PTPRD: variants seen among roughly 807,000 people sequenced by gnomAD.
The protein encoded by PTPRD is receptor-type tyrosine-protein phosphatase delta.
Under a neutral mutation model 214.5 loss-of-function variants are expected in PTPRD, and 34 were observed. The ratio of observed to expected loss-of-function variants is 0.16; its 90% CI spans 0.12 to 0.21. The LOEUF (loss-of-function observed/expected upper bound fraction) is 0.21. Among genes scored for constraint, PTPRD ranks in the 10% least tolerant of loss-of-function variants. The pLI, the probability that PTPRD is intolerant of heterozygous loss-of-function variation, is 1.00. For synonymous variants in PTPRD, 1,128 were observed against 845.7 expected, an observed-to-expected ratio of 1.33 and a Z score of -5.79; for missense variants, 2,545 against 2,398.7, an observed-to-expected ratio of 1.06 and a Z score of -1.27.
chr9:8,756,360 T>C (rs1482675194), intron 11 of PTPRD, among the ~76,000 whole-genome samples: 1 of 152,230 alleles, frequency 6.6e-6, no homozygotes, highest in East Asian at 1.9e-4. Context: ...CAAAGATTTT[T>C]TTTAAATATT....
rs187589413 is a variant in PTPRD, at chr9:8,687,033, C to A, written c.64+46747G>T. 1.2e-4 allele frequency among the ~76,000 whole-genome samples: 18 copies of A among 152,250 alleles called. No individual in the cohort carries two copies. The East Asian group carries it at 3.1e-3, about 26-fold the overall frequency. ...TCACTCTCATGATTGAAAGAAAAAT[C>A]AATTAAAATTATCCTGGGAGACCTT... On this transcript the variant is annotated intron_variant, in intron 12 of 45. Transcript: ENST00000381196.
At chr9:9,081,577 C>G (rs2099759085) in intron 10 of PTPRD, among the ~76,000 whole-genome samples, 1 of 152,074 alleles carries the variant, frequency 6.6e-6, no homozygotes, top group Non-Finnish European at 1.5e-5. Flanking sequence ...GTTGATCTAT[C>G]TAATACTGAC....
chr9:9,881,207 C>T (rs2068575055), intron 5 of PTPRD, among the ~76,000 whole-genome samples: 1 of 152,046 alleles, frequency 6.6e-6, no homozygotes, highest in African/African-American at 2.4e-5. Context: ...AGAATTTGGA[C>T]ATTCAAAGAA....
intron 21 of PTPRD, among the ~76,000 whole-genome samples, chr9:8,508,903 G>A (rs1026023533): frequency 6.6e-6 from 1 of 151,404 alleles, no homozygotes; most frequent in Non-Finnish European, 1.5e-5. Context: ...GTGTGTGTGT[G>A]TGTGTGTGTG....
chr9:10,125,849 T>C (rs1262396831), intron 3 of PTPRD, among the ~76,000 whole-genome samples: 1 of 152,084 alleles, frequency 6.6e-6, no homozygotes, highest in African/African-American at 2.4e-5. Flanking sequence ...GGTATTGATA[T>C]ATGGATATAA....
intron 11 of PTPRD, among the ~76,000 whole-genome samples, chr9:8,776,753 A>ATT (rs989084053): frequency 4.8e-5 from 7 of 146,236 alleles, no homozygotes; most frequent in African/African-American, 1.7e-4. Context: ...AGAATAGGCT[A>ATT]TTTTTTTTTT....
At chr9:8,993,237 A>G (rs1480718813) in intron 11 of PTPRD, among the ~76,000 whole-genome samples, 1 of 152,152 alleles carries the variant, frequency 6.6e-6, no homozygotes, top group East Asian at 1.9e-4. Context: ...CTCTGTTTAC[A>G]AGCTGTGAGC....
At chr9:9,417,211 G>T (rs1162294077) in intron 8 of PTPRD, among the ~76,000 whole-genome samples, 1 of 152,128 alleles carries the variant, frequency 6.6e-6, no homozygotes, top group Non-Finnish European at 1.5e-5. Context: ...TTTAGGGAAA[G>T]CTGTCACAGA....
chr9:9,096,876 AT>A (rs1294702212), intron 10 of PTPRD, among the ~76,000 whole-genome samples: 3 of 152,348 alleles, frequency 2.0e-5, no homozygotes, highest in African/African-American at 4.8e-5. Flanking sequence ...GTAAGATGAT[AT>A]CTGAGGTACA....
chr9:9,317,213 G>C (rs1963722784), intron 9 of PTPRD, among the ~76,000 whole-genome samples: 2 of 152,176 alleles, frequency 1.3e-5, no homozygotes, highest in Middle Eastern at 3.4e-3. Context: ...TCACACTACA[G>C]GCTTTCCAAG....
chr9:8,773,135 A>G (rs960001396), intron 11 of PTPRD, among the ~76,000 whole-genome samples: 11 of 151,990 alleles, frequency 7.2e-5, no homozygotes, highest in Non-Finnish European at 1.3e-4. Context: ...AGCTCCAGAG[A>G]TTGTTTCCTT....
intron 30 of PTPRD, among the ~76,000 whole-genome samples, chr9:8,480,843 T>G (rs2096866286): frequency 6.6e-6 from 1 of 152,124 alleles, no homozygotes; most frequent in South Asian, 2.1e-4. Flanking sequence ...TTCAGATTTC[T>G]AGATAATAGA....
chr9:9,661,894 A>T lies in PTPRD; in HGVS notation c.-287+72639T>A, dbSNP rs868227931. 9.9e-5 allele frequency among the ~76,000 whole-genome samples: 15 copies of T among 151,826 alleles called. No individual in the cohort carries two copies. The Middle Eastern group carries it at 0.01, about 103-fold the overall frequency. On this transcript the variant is annotated intron_variant, in intron 7 of 45. Transcript: ENST00000381196. ...ATATTAAACAGTTAAGTTATTTTGA[A>T]GCAAGTGCTACTCTGGTGGAACAGT...
intron 8 of PTPRD, among the ~76,000 whole-genome samples, chr9:9,425,776 T>A (rs779452891): frequency 1.7e-4 from 26 of 152,238 alleles, no homozygotes; most frequent in Non-Finnish European, 2.4e-4. Flanking sequence ...AAAATCAGCA[T>A]CTTGAACTAA....
chr9:10,454,910 C>T (rs1410954298), intron 2 of PTPRD, among the ~76,000 whole-genome samples: 2 of 151,598 alleles, frequency 1.3e-5, no homozygotes, highest in Non-Finnish European at 3.0e-5. Context: ...GTACTGAGTG[C>T]AGACAAAAAA....
intron 4 of PTPRD, among the ~76,000 whole-genome samples, chr9:9,991,704 G>T (rs902022521): frequency 2.0e-5 from 3 of 152,126 alleles, no homozygotes; most frequent in African/African-American, 7.2e-5. Flanking sequence ...TCAAGTCATA[G>T]AGAAAGAAAA....
At chr9:8,688,328 A>G (rs1403225828) in intron 12 of PTPRD, among the ~76,000 whole-genome samples, 1 of 152,180 alleles carries the variant, frequency 6.6e-6, no homozygotes, top group Non-Finnish European at 1.5e-5. Flanking sequence ...GCGCTTTGGG[A>G]GGCCAAGGCG....
At chr9:9,701,150 T>C (rs2097492483) in intron 7 of PTPRD, among the ~76,000 whole-genome samples, 1 of 152,076 alleles carries the variant, frequency 6.6e-6, no homozygotes, top group South Asian at 2.1e-4. Flanking sequence ...GTATAACCCA[T>C]TCTTGGATGA....
intron 14 of PTPRD, among the ~76,000 whole-genome samples, chr9:8,555,863 G>A (rs2083577588): frequency 1.3e-5 from 2 of 152,156 alleles, no homozygotes; most frequent in South Asian, 4.1e-4. Context: ...CATTCCACTG[G>A]ACCACGGGTC....
Sources: allele counts gnomAD v4.1 joint callset (sites outside exome capture counted in the v4.1 genomes callset), GRCh38; gene constraint gnomAD v4.1.1; transcripts MANE v1.5; gene names NCBI Gene and HGNC (gene_info 2026-07-23, HGNC 2026-07-21).